SYAP1: variants seen among roughly 807,000 people sequenced by gnomAD.
SYAP1 encodes synapse-associated protein 1.
In SYAP1, 3 loss-of-function variants were observed where a neutral mutation model predicts 29.6. The observed-to-expected ratio is 0.10, with a 90% CI of 0.05 to 0.26. The LOEUF (loss-of-function observed/expected upper bound fraction) is 0.26. Among genes scored for constraint, SYAP1 ranks in the 10% least tolerant of loss-of-function variants. SYAP1 has a pLI of 1.00. For synonymous variants in SYAP1, 102 were observed against 102.7 expected (o/e 0.99, Z 0.04); for missense variants, 217 against 264.1 (o/e 0.82, Z 1.24).
rs932346168 is a variant in SYAP1 at position 16,755,041 on chromosome X, C to T, written c.672C>T (p.Ala224=). Residue 224 remains alanine (A), a synonymous_variant, in exon 6 of 9, where the codon GCC becomes GCT. Transcript: ENST00000380155. ...CGGCCCTGGCTGCCCAACAGCAGGC[C>T]GCAGGGAAGGAGGAGAAGAGCAATG... ...QLTALAAQQQ[A]AGKEEKSNGR... The T allele has an allele frequency of 1.7e-6, 2 of 1,209,673 alleles. No homozygotes were observed. Among genetic ancestry groups the T allele is most frequent in the African/African-American group, 1.7e-5 (1 of 57,212 alleles).
At position 16,761,190 on chromosome X, in the gene SYAP1, G is replaced by A. The variant is rs1301334788; in HGVS notation, c.*831G>A. ...CGCGCCACTGCACTCCAGCCTGGGT[G>A]ATAGAGTGAGATTCAGTCTCAAAAA... On this transcript the variant is annotated 3_prime_UTR_variant, in exon 9 of 9. Transcript: ENST00000380155. The A allele has an allele frequency of 1.2e-5, 1 of 82,572 alleles. No homozygotes were observed. Among genetic ancestry groups the A allele is most frequent in the Non-Finnish European group, 2.2e-5 (1 of 45,914 alleles). 6.8% of individuals were successfully genotyped at this position (82,572 alleles called of 1,213,427 possible).
intron 1 of SYAP1, 26 bp from the exon 2 acceptor site, chrX:16,735,201 C>T: frequency 9.8e-7 from 1 of 1,021,495 alleles, no homozygotes; most frequent in Non-Finnish European, 1.3e-6. Context: ...AACATAATAA[C>T]CACAGATTCT....
intron 2 of SYAP1, 87 bp from the exon 3 acceptor site, chrX:16,736,079 A>G: frequency 6.6e-6 from 4 of 604,442 alleles, no homozygotes; most frequent in Non-Finnish European, 1.1e-5. Context: ...CATTTCATTT[A>G]TGTTGGTAGA....
At chrX:16,757,679 C>A (rs1926877484) in intron 8 of SYAP1, among the ~76,000 whole-genome samples, 1 of 110,237 alleles carries the variant, frequency 9.1e-6, no homozygotes, top group Non-Finnish European at 1.9e-5. Flanking sequence ...GCCGAGATCG[C>A]GTCACTGCAC....
intron 5 of SYAP1, among the ~76,000 whole-genome samples, chrX:16,750,001 G>A (rs778083382): frequency 5.0e-4 from 55 of 110,317 alleles, no homozygotes; most frequent in Non-Finnish European, 4.7e-4. Flanking sequence ...TGGCTCGAGT[G>A]TTATGGCTTA....
intron 4 of SYAP1, among the ~76,000 whole-genome samples, chrX:16,742,914 G>A (rs749331186): frequency 3.1e-5 from 3 of 97,346 alleles, no homozygotes; most frequent in South Asian, 4.5e-4. Context: ...CACCCTGTCC[G>A]CTTCTATTTT....
intron 5 of SYAP1, among the ~76,000 whole-genome samples, chrX:16,749,954 C>G (rs921785758): frequency 9.1e-6 from 1 of 109,601 alleles, no homozygotes; most frequent in Non-Finnish European, 1.9e-5. Flanking sequence ...ATTTAGGCAG[C>G]CTACTACCTC....
rs1453271855 is a variant in SYAP1, at chrX:16,760,984, G to C, written c.*625G>C. 4.5e-5 allele frequency: 5 copies of C among 111,100 alleles called. No homozygotes were observed. The highest frequency in any genetic ancestry group is 9.8e-5 in the Admixed American group (1 of 10,238). 9.2% of individuals were successfully genotyped at this position (111,100 alleles called of 1,213,427 possible). ...CTCAGGCCTGTAATCCCAGCACTTT[G>C]GGAGGCCGAGGTGGGCAGATCACCG... On this transcript the variant is annotated 3_prime_UTR_variant, in exon 9 of 9. Transcript: ENST00000380155.
rs1927003798 is a variant in SYAP1, at chrX:16,762,348, G to A, written c.*1989G>A. The A allele has an allele frequency of 9.0e-6, 1 of 111,439 alleles. No individual in the cohort carries two copies. The highest frequency in any genetic ancestry group is 3.3e-5 in the African/African-American group (1 of 30,656). The allele number at this position is 111,439 out of a possible 1,213,427, so 9.2% of individuals were successfully genotyped here. A position where few individuals can be genotyped will look rare whatever the true frequency, so the allele number is the denominator to read the frequency against. On this transcript the variant is annotated 3_prime_UTR_variant, in exon 9 of 9. Coordinates refer to ENST00000380155, the MANE Select transcript of SYAP1 (RefSeq NM_032796.4). ...AACCCTACAATGGCAATAGAGGTGT[G>A]TGACAGTTATTGCTATCAATTTTAC...
At chrX:16,760,205 C>A in intron 8 of SYAP1, 27 bp from the exon 9 acceptor site, 1 of 1,152,561 alleles carries the variant, frequency 8.7e-7, no homozygotes, top group Non-Finnish European at 1.1e-6. Flanking sequence ...CAGAGAGAAT[C>A]TTTTTCTTCT....
chrX:16,738,958 G>T (rs138276898), intron 3 of SYAP1, among the ~76,000 whole-genome samples: 556 of 111,633 alleles, frequency 5.0e-3, no homozygotes, highest in Non-Finnish European at 8.4e-3. Flanking sequence ...GTGTCCTTGG[G>T]GTTGGAGAAC....
chrX:16,746,322 C>G (rs1286631111), intron 5 of SYAP1, among the ~76,000 whole-genome samples: 1 of 107,457 alleles, frequency 9.3e-6, no homozygotes, highest in Admixed American at 1.0e-4. Flanking sequence ...CTGCAACCTC[C>G]GCCTCCTGGG....
intron 1 of SYAP1, among the ~76,000 whole-genome samples, chrX:16,726,195 G>A (rs1926079103): frequency 2.7e-5 from 3 of 112,125 alleles, no homozygotes; most frequent in Admixed American, 9.5e-5. Flanking sequence ...ACGTCTACGT[G>A]TTAAGTGTGC....
intron 3 of SYAP1, among the ~76,000 whole-genome samples, chrX:16,740,295 G>T (rs760778021): frequency 1.8e-5 from 2 of 109,119 alleles, no homozygotes; most frequent in South Asian, 7.8e-4. Context: ...GGCTTATTGA[G>T]GATTTGATTC....
At chrX:16,740,013 G>C (rs973769094) in intron 3 of SYAP1, among the ~76,000 whole-genome samples, 3 of 111,156 alleles carry the variant, frequency 2.7e-5, no homozygotes, top group African/African-American at 9.8e-5. Flanking sequence ...GCTGCTCCGT[G>C]CTGCTTACAT....
chrX:16,731,893 T>C (rs910656831), intron 1 of SYAP1, among the ~76,000 whole-genome samples: 1 of 109,440 alleles, frequency 9.1e-6, no homozygotes, highest in African/African-American at 3.5e-5. Context: ...TGAGCCAAGA[T>C]TGTGCCATTG....
intron 2 of SYAP1, 74 bp downstream of exon 2, chrX:16,735,419 T>C (rs951530673): frequency 1.4e-5 from 10 of 710,558 alleles, no homozygotes; most frequent in Middle Eastern, 8.4e-4. Context: ...CTTCTTCTTA[T>C]GAACATTTTT....
At chrX:16,730,332 C>A (rs7062819) in intron 1 of SYAP1, among the ~76,000 whole-genome samples, 1,931 of 112,441 alleles carry the variant, frequency 0.017, 33 homozygotes, top group African/African-American at 0.06. Flanking sequence ...CCAGCCTGGG[C>A]GAAAGAGCGA....
intron 5 of SYAP1, among the ~76,000 whole-genome samples, chrX:16,748,490 A>G (rs903701674): frequency 1.2e-4 from 13 of 112,411 alleles, no homozygotes; most frequent in African/African-American, 3.9e-4. Flanking sequence ...TTCAAACTGC[A>G]TATTAGTAGC....
Sources: allele counts gnomAD v4.1 joint callset (sites outside exome capture counted in the v4.1 genomes callset), GRCh38; gene constraint gnomAD v4.1.1; transcripts MANE v1.5; gene names NCBI Gene and HGNC (gene_info 2026-07-23, HGNC 2026-07-21).